OSBPL6: variants seen among roughly 807,000 people sequenced by gnomAD.
OSBPL6 encodes oxysterol binding protein like 6.
A neutral mutation model predicts 125.8 loss-of-function variants in OSBPL6; 49 were observed. The observed-to-expected ratio is 0.39, with a 90% CI of 0.31 to 0.49. The LOEUF (loss-of-function observed/expected upper bound fraction) is 0.49, where lower values mean the gene tolerates loss of function less well. OSBPL6 is among the 20% of genes least tolerant of loss of function. The probability of loss-of-function intolerance (pLI) is 0.88; values close to 1 mark genes in which losing one functional copy is unlikely to be tolerated. For missense variants in OSBPL6, 986 were observed against 1,135.4 expected, an observed-to-expected ratio of 0.87 and a Z score of 1.89; for synonymous variants, 394 against 391.8, an observed-to-expected ratio of 1.01 and a Z score of -0.07.
upstream of OSBPL6, among the ~76,000 whole-genome samples, chr2:178,194,114 G>T (rs1559099830): frequency 6.6e-6 from 1 of 152,206 alleles, no homozygotes; most frequent in South Asian, 2.1e-4. Context: ...CCCGAGCGCG[G>T]CCGGCTCACC....
intron 9 of OSBPL6, among the ~76,000 whole-genome samples, chr2:178,337,711 G>A (rs1439630356): frequency 2.0e-5 from 3 of 152,144 alleles, no homozygotes; most frequent in Non-Finnish European, 2.9e-5. Context: ...GTCTCCTTAC[G>A]CTTAGTTTTG....
chr2:178,333,554 G>A (rs1220268100), intron 8 of OSBPL6, among the ~76,000 whole-genome samples: 1 of 152,166 alleles, frequency 6.6e-6, no homozygotes, highest in East Asian at 1.9e-4. Context: ...CAGAAATGTG[G>A]ATCACCAAGA....
At chr2:178,341,512 T>A (rs552757629) in intron 11 of OSBPL6, among the ~76,000 whole-genome samples, 21 of 152,268 alleles carry the variant, frequency 1.4e-4, no homozygotes, top group African/African-American at 5.1e-4. Context: ...TTTGGGTGGT[T>A]CATTTGTTTT....
At chr2:178,275,803 A>C (rs1466953791) in intron 1 of OSBPL6, among the ~76,000 whole-genome samples, 2 of 152,050 alleles carry the variant, frequency 1.3e-5, no homozygotes, top group Non-Finnish European at 2.9e-5. Flanking sequence ...CAGCAGCAGC[A>C]GCAGAACATT....
intron 1 of OSBPL6, among the ~76,000 whole-genome samples, chr2:178,231,951 G>A (rs1011460511): frequency 2.0e-5 from 3 of 151,968 alleles, no homozygotes; most frequent in Admixed American, 6.6e-5. Context: ...ACTTAAACAC[G>A]GTTAATTCTT....
At chr2:178,368,804 C>CTT (rs5836651) in intron 13 of OSBPL6, among the ~76,000 whole-genome samples, 4,384 of 146,276 alleles carry the variant, frequency 0.03, 282 homozygotes, top group East Asian at 0.25. Context: ...AAAAAAAATC[C>CTT]TTTTTTTTTT....
rs541236895 is a variant in OSBPL6, at chr2:178,238,522, A to G, written c.-351+43848A>G. ...TGAAAAGATGAAAGTTCTTGATTTA[A>G]TAAGGAAAAAGAATAAAGCCTAAGC... On this transcript the variant is annotated intron_variant, in intron 1 of 24. Transcript: ENST00000190611. Among the ~76,000 whole-genome samples, 3 of 152,316 alleles carry G rather than the reference A, an allele frequency of 2.0e-5. No individual in the cohort carries two copies. In the East Asian group the frequency reaches 5.8e-4, roughly 29 times the overall value.
chr2:178,204,149 G>C (rs964437972), intron 1 of OSBPL6, among the ~76,000 whole-genome samples: 1 of 149,322 alleles, frequency 6.7e-6, no homozygotes, highest in Non-Finnish European at 1.5e-5. Context: ...TTGGCCCCCC[G>C]AGTAGTTGGG....
At chr2:178,367,050 G>A (rs1000762409) in intron 13 of OSBPL6, among the ~76,000 whole-genome samples, 11 of 152,148 alleles carry the variant, frequency 7.2e-5, no homozygotes, top group African/African-American at 2.4e-4. Flanking sequence ...CCAATAGTAG[G>A]AAATACTTGC....
chr2:178,363,597 G>A (rs1206164607), intron 13 of OSBPL6, among the ~76,000 whole-genome samples: 1 of 152,140 alleles, frequency 6.6e-6, no homozygotes, highest in Non-Finnish European at 1.5e-5. Flanking sequence ...CTTCTTGGAG[G>A]AATCAGACCT....
rs796140256 is a variant in OSBPL6, at chr2:178,199,584, G to GTT, written c.-351+4925_-351+4926dup. 1.0e-4 allele frequency among the ~76,000 whole-genome samples: 13 copies of GTT among 130,540 alleles called. 1 individual carries two copies. Among genetic ancestry groups the GTT allele is most frequent in the African/African-American group, 1.4e-4 (5 of 35,994 alleles). The allele number at this position is 130,540 out of a possible 152,430, so 85.6% of individuals were successfully genotyped here. On this transcript the variant is annotated intron_variant, in intron 1 of 24. Coordinates refer to ENST00000190611, the MANE Select transcript of OSBPL6 (RefSeq NM_032523.4). Reference sequence around the variant, plus strand: ...AGCCTCTGCAAGATAACCATTAAGGGTTTTTTTTTTTTTTTTCATTTGTTA... The same window carrying GTT: ...AGCCTCTGCAAGATAACCATTAAGGGTTTTTTTTTTTTTTTTTTCATTTGTTA...
intron 1 of OSBPL6, among the ~76,000 whole-genome samples, chr2:178,195,076 G>A (rs1432423577): frequency 2.0e-5 from 3 of 152,138 alleles, no homozygotes; most frequent in Non-Finnish European, 4.4e-5. Flanking sequence ...AAGGACTGAT[G>A]TAATTGTCAG....
At chr2:178,235,398 CTTTT>C (rs540269327) in intron 1 of OSBPL6, among the ~76,000 whole-genome samples, 2 of 78,026 alleles carry the variant, frequency 2.6e-5, no homozygotes, top group African/African-American at 9.2e-5. Flanking sequence ...CTTTTCTTTT[CTTTT>C]TTTTTTTTTT....
intron 1 of OSBPL6, among the ~76,000 whole-genome samples, chr2:178,210,823 AAC>A (rs1216449642): frequency 0.22 from 31,705 of 145,030 alleles, 3,403 homozygotes; most frequent in African/African-American, 0.28. Context: ...AAAAAAAAAA[AAC>A]ACACACACAC....
At chr2:178,289,232 G>C (rs1270161138) in intron 2 of OSBPL6, among the ~76,000 whole-genome samples, 1 of 150,466 alleles carries the variant, frequency 6.6e-6, no homozygotes, top group African/African-American at 2.4e-5. Flanking sequence ...TGGCCAGGCT[G>C]GTCTCAAAGT....
chr2:178,360,902 CA>C (rs1692293788), intron 12 of OSBPL6, among the ~76,000 whole-genome samples: 1 of 152,096 alleles, frequency 6.6e-6, no homozygotes, highest in Non-Finnish European at 1.5e-5. Flanking sequence ...ATACCTTTCT[CA>C]AATAAGGAAA....
intron 22 of OSBPL6, among the ~76,000 whole-genome samples, chr2:178,391,774 A>G (rs1695426084): frequency 1.3e-5 from 2 of 152,214 alleles, no homozygotes. Flanking sequence ...TCCACATGAC[A>G]TTTATTGTCA....
intron 1 of OSBPL6, among the ~76,000 whole-genome samples, chr2:178,275,818 C>A (rs192576232): frequency 6.6e-6 from 1 of 151,872 alleles, no homozygotes; most frequent in African/African-American, 2.4e-5. Context: ...AACATTTGAG[C>A]ACTTCCGTAT....
chr2:178,381,515 G>A (rs1427301922), intron 15 of OSBPL6, among the ~76,000 whole-genome samples: 4 of 151,878 alleles, frequency 2.6e-5, no homozygotes, highest in East Asian at 1.9e-4. Context: ...CACCACACCC[G>A]GCTAATTTTT....
Sources: gnomAD v4.1 joint callset for allele counts (sites outside exome capture counted in the v4.1 genomes callset) on GRCh38, gnomAD v4.1.1 for gene constraint, MANE v1.5 for transcripts, NCBI Gene and HGNC (gene_info 2026-07-23, HGNC 2026-07-21) for gene names.